Variants in SCAPER observed in about 807,000 individuals in gnomAD.
The protein encoded by SCAPER is S phase cyclin A-associated protein in the endoplasmic reticulum.
Under a neutral mutation model 182.2 loss-of-function variants are expected in SCAPER, and 98 were observed. The ratio of observed to expected loss-of-function variants is 0.54; its 90% confidence interval spans 0.46 to 0.64. SCAPER has a LOEUF of 0.64. SCAPER is among the 30% of genes least tolerant of loss of function. The pLI is 0.00. For synonymous variants in SCAPER, 605 were observed against 564.6 expected, an observed-to-expected ratio of 1.07 and a Z score of -1.01; for missense variants, 1,432 against 1,690.0, an observed-to-expected ratio of 0.85 and a Z score of 2.68.
chr15:76,423,923 A>T (rs1352276659), intron 26 of SCAPER, among the ~76,000 whole-genome samples: 1 of 152,090 alleles, frequency 6.6e-6, no homozygotes, highest in Non-Finnish European at 1.5e-5. Context: ...TGTGTAGTTG[A>T]GCGGTTTTGA....
chr15:76,853,199 C>T (rs893492456), intron 4 of SCAPER, among the ~76,000 whole-genome samples: 1 of 151,798 alleles, frequency 6.6e-6, no homozygotes, highest in African/African-American at 2.4e-5. Context: ...GCCTACCAAC[C>T]AAAAAAAGCC....
At chr15:76,598,021 A>G (rs547528022) in intron 22 of SCAPER, among the ~76,000 whole-genome samples, 1 of 120,600 alleles carries the variant, frequency 8.3e-6, no homozygotes, top group East Asian at 2.3e-4. Flanking sequence ...GGGAACCTAC[A>G]GAATGGGAGA....
intron 5 of SCAPER, among the ~76,000 whole-genome samples, chr15:76,807,877 T>C (rs1230885484): frequency 2.0e-5 from 3 of 152,130 alleles, no homozygotes; most frequent in Admixed American, 6.5e-5. Flanking sequence ...TTTTTATTGT[T>C]TTCCTAAGAA....
At chr15:76,404,729 A>G (rs1421728342) in intron 26 of SCAPER, 50 bp from the exon 27 acceptor site, 1 of 1,558,254 alleles carries the variant, frequency 6.4e-7, no homozygotes, top group Non-Finnish European at 8.7e-7. Context: ...GGCCAGCAAC[A>G]TCTTCACCTT....
At chr15:76,695,808 A>G (rs965952056) in intron 20 of SCAPER, among the ~76,000 whole-genome samples, 1 of 152,086 alleles carries the variant, frequency 6.6e-6, no homozygotes, top group Non-Finnish European at 1.5e-5. Context: ...TGCATTATAT[A>G]CTGAATACAC....
intron 23 of SCAPER, among the ~76,000 whole-genome samples, chr15:76,543,409 A>G (rs2044962342): frequency 6.6e-6 from 1 of 152,108 alleles, no homozygotes; most frequent in African/African-American, 2.4e-5. Flanking sequence ...TCTCACACAG[A>G]ATGGATTCAT....
At chr15:76,616,479 G>A (rs192664455) in intron 22 of SCAPER, among the ~76,000 whole-genome samples, 1 of 152,206 alleles carries the variant, frequency 6.6e-6, no homozygotes, top group Admixed American at 6.5e-5. Context: ...CAGGAGGTAT[G>A]GGAAATTATT....
At chr15:76,697,879 A>T (rs957201062) in intron 20 of SCAPER, among the ~76,000 whole-genome samples, 2 of 152,106 alleles carry the variant, frequency 1.3e-5, no homozygotes, top group African/African-American at 4.8e-5. Flanking sequence ...ACCTCAGGTG[A>T]TCCACCCACC....
At chr15:76,670,573 TA>T (rs1249572176) in intron 20 of SCAPER, among the ~76,000 whole-genome samples, 4 of 152,210 alleles carry the variant, frequency 2.6e-5, no homozygotes, top group Non-Finnish European at 4.4e-5. Flanking sequence ...AGATTATACA[TA>T]TTTTTAAGAC....
intron 20 of SCAPER, among the ~76,000 whole-genome samples, chr15:76,697,189 A>G (rs1013035406): frequency 6.6e-6 from 1 of 152,240 alleles, no homozygotes; most frequent in African/African-American, 2.4e-5. Context: ...AAGTATGTTT[A>G]CTATAGATAC....
At chr15:76,349,054 G>C (rs1334651964) in intron 31 of SCAPER, 2 of 175,848 alleles carry the variant, frequency 1.1e-5, no homozygotes, top group Non-Finnish European at 2.4e-5. Flanking sequence ...AAGCACAGTG[G>C]TGCGCGCCTG....
At chr15:76,848,269 G>C (rs1013610297) in intron 4 of SCAPER, among the ~76,000 whole-genome samples, 2 of 151,742 alleles carry the variant, frequency 1.3e-5, no homozygotes, top group Middle Eastern at 3.4e-3. Flanking sequence ...CAAAGTGCTG[G>C]GATTACAGGC....
At position 76,830,070 on chromosome 15, in the gene SCAPER, T is replaced by C. The variant is rs2068324713; in HGVS notation, c.393+11664A>G. ...ATGTAAATTATGAATAGGAGTTAAG[T>C]AAAAGAAATGAGTAAGAAGGTGTTG... is the stretch of plus-strand genomic sequence containing the variant. On this transcript the variant is annotated intron_variant, in intron 5 of 31. Transcript: ENST00000563290. Among the ~76,000 whole-genome samples, 3 of 151,950 alleles carry C rather than the reference T, an allele frequency of 2.0e-5. No homozygotes were observed. In the East Asian group the frequency reaches 5.8e-4, roughly 29 times the overall value.
At chr15:76,408,960 C>T (rs1181772418) in intron 26 of SCAPER, among the ~76,000 whole-genome samples, 1 of 152,038 alleles carries the variant, frequency 6.6e-6, no homozygotes, top group Admixed American at 6.6e-5. Context: ...CATTGTAAAG[C>T]CAAGGCAAAC....
At chr15:76,383,970 A>G (rs1259530863) in intron 27 of SCAPER, among the ~76,000 whole-genome samples, 1 of 152,232 alleles carries the variant, frequency 6.6e-6, no homozygotes, top group Non-Finnish European at 1.5e-5. Context: ...GCTTATAGGT[A>G]TATCTGAACC....
chr15:76,598,411 G>T lies in SCAPER; in HGVS notation c.2711+23353C>A, dbSNP rs1353664486. Among the ~76,000 whole-genome samples the T allele has an allele frequency of 5.0e-5, 6 of 121,110 alleles. 2 individuals are homozygous for T. The highest frequency in any genetic ancestry group is 1.5e-4 in the African/African-American group (6 of 39,618). The allele number at this position is 121,110 out of a possible 152,430, so 79.5% of individuals were successfully genotyped here. A position where few individuals can be genotyped will look rare whatever the true frequency, so the allele number is the denominator to read the frequency against. On this transcript the variant is annotated intron_variant, in intron 22 of 31. Coordinates refer to ENST00000563290, the MANE Select transcript of SCAPER (RefSeq NM_020843.4). ...AGTGTGGCAATTTCTCAAAGATGTA[G>T]AACTAGAAATGCCATTTGACCCAGC...
At chr15:76,659,601 A>T (rs2055958060) in intron 21 of SCAPER, among the ~76,000 whole-genome samples, 1 of 152,214 alleles carries the variant, frequency 6.6e-6, no homozygotes, top group African/African-American at 2.4e-5. Flanking sequence ...AGACAAACAC[A>T]TGGTCAACAA....
chr15:76,404,625 C>T lies in SCAPER; in HGVS notation c.3366G>A (p.Val1122=). 1 of 1,613,358 alleles carries T rather than the reference C, an allele frequency of 6.2e-7. No individual in the cohort carries two copies. The highest frequency in any genetic ancestry group is 8.5e-7 in the Non-Finnish European group (1 of 1,179,748). Reference sequence around the variant, plus strand: ...TGGGATTCTCATCCACTGGGCCTTGCACCGAGAGGAAGCAGGCACACAGTT... The same window carrying T: ...TGGGATTCTCATCCACTGGGCCTTGTACCGAGAGGAAGCAGGCACACAGTT... ...IDKLCACFLS[V]QGPVDENPKM... is the part of the protein sequence containing the mutation. Residue 1122 remains valine (V), a synonymous_variant, in exon 27 of 32, where the codon GTG becomes GTA. Transcript: ENST00000563290.
At chr15:76,570,542 T>C (rs979496622) in intron 23 of SCAPER, among the ~76,000 whole-genome samples, 15 of 111,706 alleles carry the variant, frequency 1.3e-4, no homozygotes, top group Non-Finnish European at 6.5e-5. Context: ...CCTGTCACTA[T>C]TGCTAAGTCC....
Sources: allele counts gnomAD v4.1 joint callset (sites outside exome capture counted in the v4.1 genomes callset), GRCh38; gene constraint gnomAD v4.1.1; transcripts MANE v1.5; gene names NCBI Gene and HGNC (gene_info 2026-07-23, HGNC 2026-07-21).